ITPR2: variants seen among roughly 807,000 people sequenced by gnomAD.
ITPR2 encodes inositol 1,4,5-trisphosphate-gated calcium channel ITPR2.
ITPR2 carries 207 observed loss-of-function variants against 317.1 expected under a neutral mutation model. The observed-to-expected ratio is 0.65, with a 90% CI of 0.58 to 0.73. The LOEUF (loss-of-function observed/expected upper bound fraction) is 0.73, where lower values mean the gene tolerates loss of function less well. ITPR2 is among the 30% of genes least tolerant of loss of function. The pLI is 0.00. For synonymous variants in ITPR2, 1,156 were observed against 1,149.1 expected, an observed-to-expected ratio of 1.01 and a Z score of -0.12; for missense variants, 2,613 against 3,284.0, an observed-to-expected ratio of 0.80 and a Z score of 4.99.
intron 2 of ITPR2, among the ~76,000 whole-genome samples, chr12:26,784,657 A>G (rs1234559334): frequency 6.6e-6 from 1 of 151,576 alleles, no homozygotes; most frequent in Admixed American, 6.5e-5. Context: ...AATGGTGCCC[A>G]GGCTGGAGTG....
intron 55 of ITPR2, among the ~76,000 whole-genome samples, chr12:26,346,647 C>A (rs1367644054): frequency 6.6e-6 from 1 of 151,562 alleles, no homozygotes; most frequent in Admixed American, 6.6e-5. Flanking sequence ...ATCAGCTGTG[C>A]TATGTTTTCA....
chr12:26,832,694 A>G lies in ITPR2; in HGVS notation c.88T>C (p.Leu30=), dbSNP rs1289295960. 3.8e-6 allele frequency: 6 copies of G among 1,595,020 alleles called. No homozygotes were observed. The highest frequency in any genetic ancestry group is 1.7e-5 in the Admixed American group (1 of 58,128). ...EGSVNGFIST[L]GLVDDRCVVH... Reference sequence around the variant, plus strand: ...CAGCCCTCGTCTCCCGCTTACCCCAAGGTGCTGATGAAGCCGTTGACCGAG... The same window carrying G: ...CAGCCCTCGTCTCCCGCTTACCCCAGGGTGCTGATGAAGCCGTTGACCGAG... The change falls in exon 1 of 57, where the codon TTG becomes CTG. Residue 30 remains leucine, a synonymous_variant. Transcript: ENST00000381340.
chr12:26,546,459 C>T (rs898255787), intron 37 of ITPR2, among the ~76,000 whole-genome samples: 1 of 152,116 alleles, frequency 6.6e-6, no homozygotes, highest in Non-Finnish European at 1.5e-5. Flanking sequence ...TCTTTTTGTA[C>T]CTGGCTTATT....
chr12:26,505,699 T>C (rs1380180972), intron 37 of ITPR2, among the ~76,000 whole-genome samples: 1 of 152,192 alleles, frequency 6.6e-6, no homozygotes, highest in Non-Finnish European at 1.5e-5. Flanking sequence ...CCTTTCTTTT[T>C]TTCCTTTTTG....
intron 48 of ITPR2, among the ~76,000 whole-genome samples, chr12:26,428,767 A>G (rs1435028304): frequency 6.6e-5 from 10 of 152,216 alleles, no homozygotes; most frequent in African/African-American, 2.4e-4. Flanking sequence ...AGGTTCAAAA[A>G]TATTTTTTCT....
intron 28 of ITPR2, among the ~76,000 whole-genome samples, chr12:26,600,741 C>T (rs1945980246): frequency 6.6e-6 from 1 of 151,872 alleles, no homozygotes; most frequent in African/African-American, 2.4e-5. Flanking sequence ...TGCTCCCATC[C>T]CCTTTTCTCC....
chr12:26,561,466 T>C (rs888824823), intron 35 of ITPR2, among the ~76,000 whole-genome samples: 1 of 152,202 alleles, frequency 6.6e-6, no homozygotes. Context: ...AGATTATGAA[T>C]ATTTAGTTGA....
chr12:26,678,097 T>A (rs1947954702), intron 13 of ITPR2, among the ~76,000 whole-genome samples: 1 of 152,192 alleles, frequency 6.6e-6, no homozygotes, highest in Admixed American at 6.5e-5. Context: ...ATTAATCACA[T>A]CTCTGAACTC....
Position 26,486,211 on chromosome 12 carries a change from C to T in ITPR2, c.5704G>A (p.Glu1902Lys). The T allele has an allele frequency of 1.2e-6, 2 of 1,614,124 alleles. No individual in the cohort carries two copies. The highest frequency in any genetic ancestry group is 1.3e-5 in the African/African-American group (1 of 75,040). The change falls in exon 41 of 57, where the codon GAG becomes AAG. Residue 1902 changes from glutamate (E) to lysine (K), a missense_variant. Around this residue, in one of 9 missense-constraint regions of ITPR2, gnomAD observed 926 missense variants for 1,072.8 expected, o/e 0.86. Transcript: ENST00000381340. ...MCTGPEAGNT[E>K]EKSAEEVTMS... ...GTTACTTCCTCTGCGGATTTTTCCT[C>T]AGTGTTTCCCGCTTCTGGTCCTGTG...
intron 26 of ITPR2, among the ~76,000 whole-genome samples, chr12:26,609,785 A>G (rs1471741949): frequency 6.6e-6 from 1 of 152,248 alleles, no homozygotes; most frequent in East Asian, 1.9e-4. Context: ...ACATTCTGGA[A>G]GTATAATTGT....
chr12:26,549,880 G>A (rs1047459275), intron 37 of ITPR2, among the ~76,000 whole-genome samples: 2 of 151,824 alleles, frequency 1.3e-5, no homozygotes, highest in Non-Finnish European at 2.9e-5. Flanking sequence ...ATGCCAAAAT[G>A]CATAGACATT....
intron 54 of ITPR2, among the ~76,000 whole-genome samples, chr12:26,391,538 CTT>C: frequency 9.0e-6 from 1 of 111,016 alleles, no homozygotes; most frequent in Non-Finnish European, 1.9e-5. Flanking sequence ...AAAGCTTCTT[CTT>C]CTTCTTCTTC....
At chr12:26,591,835 CAAA>C (rs35015873) in intron 32 of ITPR2, among the ~76,000 whole-genome samples, 1 of 142,018 alleles carries the variant, frequency 7.0e-6, no homozygotes. Context: ...GACTCTATCT[CAAA>C]AAAAAAAAAG....
At chr12:26,665,835 A>T (rs1315755274) in intron 14 of ITPR2, 75 bp downstream of exon 14, 11 of 1,278,318 alleles carry the variant, frequency 8.6e-6, no homozygotes, top group Non-Finnish European at 1.2e-5. Flanking sequence ...AGTAATAGAT[A>T]ACTAATACAA....
intron 49 of ITPR2, among the ~76,000 whole-genome samples, chr12:26,427,567 T>A (rs1350236837): frequency 6.6e-6 from 1 of 152,186 alleles, no homozygotes; most frequent in Non-Finnish European, 1.5e-5. Context: ...CTTTTTTGGA[T>A]GATTTACGAT....
intron 55 of ITPR2, among the ~76,000 whole-genome samples, chr12:26,385,504 C>T (rs1939639947): frequency 6.6e-6 from 1 of 152,178 alleles, no homozygotes; most frequent in Non-Finnish European, 1.5e-5. Flanking sequence ...ACACTGCTGC[C>T]TGCCTTTTTG....
At chr12:26,349,462 A>G (rs1269675876) in intron 55 of ITPR2, among the ~76,000 whole-genome samples, 1 of 152,256 alleles carries the variant, frequency 6.6e-6, no homozygotes, top group Non-Finnish European at 1.5e-5. Context: ...ACAAAGCAAA[A>G]CAGGATTGAA....
chr12:26,704,832 A>T (rs76956075), intron 9 of ITPR2, among the ~76,000 whole-genome samples: 5,427 of 152,282 alleles, frequency 0.036, 88 homozygotes, highest in Middle Eastern at 0.075. Context: ...GATTGTAAAC[A>T]GTATGCATGG....
chr12:26,656,605 T>C, intron 18 of ITPR2, 57 bp from the exon 19 acceptor site: 1 of 1,560,674 alleles, frequency 6.4e-7, no homozygotes, highest in Non-Finnish European at 8.8e-7. Context: ...TCTTTAAACG[T>C]CATAGTACCA....
Sources: allele counts gnomAD v4.1 joint callset (sites outside exome capture counted in the v4.1 genomes callset), GRCh38; gene constraint gnomAD v4.1.1; regional missense constraint gnomAD v4.1.1; transcripts MANE v1.5; gene names NCBI Gene and HGNC (gene_info 2026-07-23, HGNC 2026-07-21).